EIF2AK4: variants seen among roughly 807,000 people sequenced by gnomAD.
EIF2AK4 encodes the protein eukaryotic translation initiation factor 2 alpha kinase 4.
A neutral mutation model predicts 211.1 loss-of-function variants in EIF2AK4; 139 were observed. The observed-to-expected ratio is 0.66, with a 90% CI of 0.57 to 0.76. The LOEUF (loss-of-function observed/expected upper bound fraction) is 0.76. Among genes scored for constraint, EIF2AK4 ranks in the 30% least tolerant of loss-of-function variants. The pLI, the probability that EIF2AK4 is intolerant of heterozygous loss-of-function variation, is 0.00. For missense variants in EIF2AK4, 1,664 were observed against 2,043.8 expected (o/e 0.81, Z 3.58); for synonymous variants, 710 against 751.3 (o/e 0.94, Z 0.90).
chr15:40,020,174 A>G (rs982486029), intron 30 of EIF2AK4, among the ~76,000 whole-genome samples: 2 of 151,362 alleles, frequency 1.3e-5, no homozygotes, highest in Admixed American at 6.6e-5. Flanking sequence ...TCAAAAAAAA[A>G]AAAAGAAAAA....
At chr15:40,022,454 T>C in intron 31 of EIF2AK4, 65 bp from the exon 32 acceptor site, 2 of 1,331,052 alleles carry the variant, frequency 1.5e-6, no homozygotes. Context: ...TTCATTCTCC[T>C]TAATTACTTG....
At chr15:39,988,966 G>T (rs992992618) in intron 15 of EIF2AK4, among the ~76,000 whole-genome samples, 3 of 152,076 alleles carry the variant, frequency 2.0e-5, no homozygotes, top group African/African-American at 7.2e-5. Flanking sequence ...GTACCACTGC[G>T]CTCCAGCCTA....
At chr15:39,962,793 T>C (rs1357286097) in intron 7 of EIF2AK4, among the ~76,000 whole-genome samples, 1 of 152,224 alleles carries the variant, frequency 6.6e-6, no homozygotes, top group Non-Finnish European at 1.5e-5. Flanking sequence ...TTTGAATTGC[T>C]CATACTAAAG....
chr15:39,970,112 TG>T (rs2034602692), intron 9 of EIF2AK4, among the ~76,000 whole-genome samples: 1 of 152,252 alleles, frequency 6.6e-6, no homozygotes, highest in South Asian at 2.1e-4. Flanking sequence ...ACTGAGTCAG[TG>T]CTGGTTTTCA....
At chr15:40,023,976 A>C (rs1410451636) in intron 32 of EIF2AK4, among the ~76,000 whole-genome samples, 1 of 152,222 alleles carries the variant, frequency 6.6e-6, no homozygotes, top group Non-Finnish European at 1.5e-5. Context: ...AACAACAAAC[A>C]AAGGAGAGTG....
In EIF2AK4 at chr15:40,022,219, T is replaced by C. The variant is rs866400910; in HGVS notation, c.4303-300T>C. The C allele has an allele frequency of 8.0e-5, 18 of 226,220 alleles. 1 individual carries two copies. The South Asian group carries it at 9.3e-4, about 12-fold the overall frequency. The allele number at this position is 226,220 out of a possible 1,614,324, so 14.0% of individuals were successfully genotyped here. A position where few individuals can be genotyped will look rare whatever the true frequency, so the allele number is the denominator to read the frequency against. ...GTGTGTGTGTGTGTGTGTGTGTATGTTGTGTTGTATAATTTTGGGCATCTT... is the reference window on the plus strand; with the variant it reads ...GTGTGTGTGTGTGTGTGTGTGTATGCTGTGTTGTATAATTTTGGGCATCTT... On this transcript the variant is annotated intron_variant, in intron 31 of 38. Coordinates refer to ENST00000263791, the MANE Select transcript of EIF2AK4 (RefSeq NM_001013703.4).
intron 11 of EIF2AK4, chr15:39,974,780 C>T (rs1040134320): frequency 7.2e-5 from 11 of 152,340 alleles, no homozygotes; most frequent in Middle Eastern, 3.4e-3. Context: ...TAAGCCCCCA[C>T]GGTTTCCAGT....
In EIF2AK4 at chr15:39,943,872, G is replaced by A. The variant is rs185535986; in HGVS notation, c.360+387G>A. On this transcript the variant is annotated intron_variant, in intron 3 of 38. Transcript: ENST00000263791. The stretch of plus-strand genomic sequence containing the variant: ...CAGGAGGCTGAGGTGGGAGAATTGC[G>A]TGAGCCCAGGAGTTTGAGGTTACAG... Among the ~76,000 whole-genome samples the A allele has an allele frequency of 8.6e-4, 131 of 152,054 alleles. 1 individual carries two copies. The highest frequency in any genetic ancestry group is 2.8e-3 in the African/African-American group (115 of 41,496).
At position 40,001,219 on chromosome 15, in the gene EIF2AK4, C is replaced by G. The variant is rs1195055343; in HGVS notation, c.3154C>G (p.Leu1052Val). Residue 1052 changes from leucine to valine, a missense_variant, in exon 21 of 39, where the codon CTG (leucine) becomes GTG (valine). Coordinates refer to ENST00000263791, the MANE Select transcript of EIF2AK4 (RefSeq NM_001013703.4). ...CGATTACACCTATGACAGCGACATACTGAAGGTGGGCTTAAGCCACGCTGC... is the reference window on the plus strand; with the variant it reads ...CGATTACACCTATGACAGCGACATAGTGAAGGTGGGCTTAAGCCACGCTGC... ...AIDYTYDSDILKGNFSIRTAK... is the reference protein window; with the variant it reads ...AIDYTYDSDIVKGNFSIRTAK... 1 of 1,613,004 alleles carries G rather than the reference C, an allele frequency of 6.2e-7. No homozygotes were observed. The highest frequency in any genetic ancestry group is 2.2e-5 in the East Asian group (1 of 44,886).
intron 14 of EIF2AK4, among the ~76,000 whole-genome samples, chr15:39,987,673 T>C (rs1481393537): frequency 2.0e-5 from 3 of 152,196 alleles, no homozygotes; most frequent in East Asian, 1.9e-4. Context: ...AAACAATAAA[T>C]AAAATTTTAC....
intron 9 of EIF2AK4, among the ~76,000 whole-genome samples, chr15:39,971,214 A>G (rs927384116): frequency 2.6e-5 from 4 of 152,118 alleles, no homozygotes; most frequent in Non-Finnish European, 5.9e-5. Flanking sequence ...GTAAGACCTC[A>G]TCTCTACTTT....
intron 4 of EIF2AK4, 140 bp downstream of exon 4, chr15:39,949,408 G>A: frequency 1.6e-6 from 2 of 1,278,996 alleles, no homozygotes; most frequent in Non-Finnish European, 2.1e-6. Flanking sequence ...ACACATGTGA[G>A]AGTATGAAAA....
intron 9 of EIF2AK4, among the ~76,000 whole-genome samples, chr15:39,969,356 CTTTTTTT>C (rs10550245): frequency 8.9e-5 from 9 of 101,280 alleles, no homozygotes; most frequent in Admixed American, 3.3e-4. Flanking sequence ...ATTTCTTATT[CTTTTTTT>C]TTTTTTTTTT....
At chr15:39,969,569 C>G (rs1188827179) in intron 9 of EIF2AK4, among the ~76,000 whole-genome samples, 2 of 152,028 alleles carry the variant, frequency 1.3e-5, no homozygotes, top group Admixed American at 1.3e-4. Context: ...ACCATGTTAG[C>G]CAGGATGGTC....
At position 40,006,940 on chromosome 15, in the gene EIF2AK4, G is replaced by A; in HGVS notation, c.3358-76G>A. 3 of 1,143,876 alleles carry A rather than the reference G, an allele frequency of 2.6e-6. No individual in the cohort carries two copies. The East Asian group carries it at 7.3e-5, about 28-fold the overall frequency. 70.9% of individuals were successfully genotyped at this position (1,143,876 alleles called of 1,614,324 possible). On this transcript the variant is annotated intron_variant, in intron 23 of 38. Coordinates refer to ENST00000263791, the MANE Select transcript of EIF2AK4 (RefSeq NM_001013703.4). The stretch of plus-strand genomic sequence containing the variant: ...AAGGGGTGAACTTTATGGGACAGGA[G>A]TTATGTTTCAATAAAGCCGCTATTA...
In EIF2AK4 at chr15:40,008,160, A is replaced by C; in HGVS notation, c.3541A>C (p.Ile1181Leu). ...GCCCACTGCTGAAATTATCTACACTATCTATGAAATCATCCAAGAGTTTCC... is the reference window on the plus strand; with the variant it reads ...GCCCACTGCTGAAATTATCTACACTCTCTATGAAATCATCCAAGAGTTTCC... ...FLPTAEIIYT[I>L]YEIIQEFPAL... The change falls in exon 25 of 39, where the codon ATC becomes CTC. Residue 1181 changes from isoleucine (I) to leucine (L), a missense_variant. By Grantham distance (5) the Ile-to-Leu change is conservative. Transcript: ENST00000263791. 1 of 1,609,002 alleles carries C rather than the reference A, an allele frequency of 6.2e-7. No homozygotes were observed.
chr15:39,969,378 T>TG (rs1491510660), intron 9 of EIF2AK4, among the ~76,000 whole-genome samples: 2 of 125,826 alleles, frequency 1.6e-5, no homozygotes, highest in Admixed American at 1.7e-4. Flanking sequence ...TTTTTTTTTT[T>TG]GAGATGGAGT....
chr15:40,013,143 C>T (rs529975850), intron 27 of EIF2AK4, among the ~76,000 whole-genome samples: 4 of 152,016 alleles, frequency 2.6e-5, no homozygotes, highest in African/African-American at 7.2e-5. Context: ...TATTTTAAAT[C>T]GAATACATGA....
chr15:39,981,187 T>G (rs966315893), intron 13 of EIF2AK4, among the ~76,000 whole-genome samples: 2 of 152,068 alleles, frequency 1.3e-5, no homozygotes, highest in African/African-American at 4.8e-5. Context: ...CTGGCCAACA[T>G]GGTGAAACCC....
Sources: allele counts gnomAD v4.1 joint callset (sites outside exome capture counted in the v4.1 genomes callset), GRCh38; gene constraint gnomAD v4.1.1; transcripts MANE v1.5; gene names NCBI Gene and HGNC (gene_info 2026-07-23, HGNC 2026-07-21).